The following ROBO2 variants were observed in gnomAD, a reference collection of about 807,000 sequenced individuals.
ROBO2 encodes roundabout homolog 2.
A neutral mutation model predicts 160.8 loss-of-function variants in ROBO2; 53 were observed. That is an observed-to-expected ratio of 0.33 (90% confidence interval 0.26 to 0.41). The LOEUF is 0.41. Ranked by LOEUF, ROBO2 falls within the 10% of genes least tolerant of loss-of-function variation. The pLI is 1.00. For synonymous variants in ROBO2, 664 were observed against 611.7 expected, an observed-to-expected ratio of 1.09 and a Z score of -1.26; for missense variants, 1,577 against 1,722.4, an observed-to-expected ratio of 0.92 and a Z score of 1.49.
At position 76,718,114 on chromosome 3, in the gene ROBO2, A is replaced by T. The variant is rs185626573; in HGVS notation, c.110-379900A>T. ...AAGTGAGTGGATAAACGATGTGTAT[A>T]AGTGTCTACCATAGACAGGATTATC... On this transcript the variant is annotated intron_variant, in intron 2 of 26. Transcript: ENST00000487694. Among the ~76,000 whole-genome samples, 1,425 of 152,302 alleles carry T rather than the reference A, an allele frequency of 9.4e-3. 27 individuals carry two copies. The highest frequency in any genetic ancestry group is 0.032 in the African/African-American group (1,349 of 41,560).
At chr3:75,941,538 A>G (rs1948054093) in intron 2 of ROBO2, among the ~76,000 whole-genome samples, 1 of 152,202 alleles carries the variant, frequency 6.6e-6, no homozygotes, top group African/African-American at 2.4e-5. Flanking sequence ...ACATGCTTAA[A>G]TTCCTAATTT....
chr3:76,847,548 A>G (rs1577018640), intron 2 of ROBO2, among the ~76,000 whole-genome samples: 1 of 152,292 alleles, frequency 6.6e-6, no homozygotes, highest in East Asian at 1.9e-4. Context: ...CTTGTAAGAA[A>G]CCTAGTAGTG....
At chr3:77,248,256 C>A (rs2089957168) in intron 2 of ROBO2, among the ~76,000 whole-genome samples, 1 of 152,190 alleles carries the variant, frequency 6.6e-6, no homozygotes, top group South Asian at 2.1e-4. Context: ...AAATCCCCTG[C>A]ATTTACCATC....
chr3:76,146,698 G>GTGTGTGCA, intron 2 of ROBO2, among the ~76,000 whole-genome samples: 1 of 43,598 alleles, frequency 2.3e-5, no homozygotes, highest in African/African-American at 8.7e-5. Context: ...ATTACATAGG[G>GTGTGTGCA]TGTGTGTGTG....
At chr3:76,888,213 TAA>T (rs2074059740) in intron 2 of ROBO2, among the ~76,000 whole-genome samples, 1 of 151,926 alleles carries the variant, frequency 6.6e-6, no homozygotes, top group Non-Finnish European at 1.5e-5. Flanking sequence ...ACTAAAAATA[TAA>T]AGATTAGCCA....
intron 2 of ROBO2, among the ~76,000 whole-genome samples, chr3:76,349,751 T>C (rs564215358): frequency 6.6e-6 from 1 of 152,172 alleles, no homozygotes; most frequent in East Asian, 1.9e-4. Context: ...ACAGCAATAG[T>C]AGTAGCAGGG....
chr3:77,400,580 T>C (rs1288492268), intron 2 of ROBO2, among the ~76,000 whole-genome samples: 1 of 152,218 alleles, frequency 6.6e-6, no homozygotes, highest in African/African-American at 2.4e-5. Flanking sequence ...ACATATTTAA[T>C]TTCCATATTT....
chr3:77,188,538 T>G (rs1579788371), intron 2 of ROBO2, among the ~76,000 whole-genome samples: 1 of 151,978 alleles, frequency 6.6e-6, no homozygotes, highest in African/African-American at 2.4e-5. Flanking sequence ...TTATGTGGCA[T>G]TTTCATACTT....
At chr3:76,898,025 G>A (rs1316044647) in intron 2 of ROBO2, among the ~76,000 whole-genome samples, 3 of 152,014 alleles carry the variant, frequency 2.0e-5, no homozygotes, top group Non-Finnish European at 4.4e-5. Context: ...TGGTAAGATT[G>A]CTGCTTGGTC....
chr3:77,265,962 T>C (rs2059094748), intron 2 of ROBO2, among the ~76,000 whole-genome samples: 2 of 152,194 alleles, frequency 1.3e-5, no homozygotes, highest in South Asian at 2.1e-4. Context: ...AATTCCTTCA[T>C]GGATGTGCAT....
At chr3:75,954,684 C>T (rs1241430786) in intron 2 of ROBO2, among the ~76,000 whole-genome samples, 1 of 151,950 alleles carries the variant, frequency 6.6e-6, no homozygotes, top group East Asian at 2.0e-4. Context: ...TGTACCTCTG[C>T]TTTGAATTTC....
chr3:76,796,738 A>T (rs1192021089), intron 2 of ROBO2, among the ~76,000 whole-genome samples: 1 of 152,128 alleles, frequency 6.6e-6, no homozygotes, highest in African/African-American at 2.4e-5. Flanking sequence ...TGTAGACTCT[A>T]AATAAAGAGA....
At chr3:77,227,632 A>G (rs895010362) in intron 2 of ROBO2, among the ~76,000 whole-genome samples, 1 of 152,248 alleles carries the variant, frequency 6.6e-6, no homozygotes, top group Non-Finnish European at 1.5e-5. Flanking sequence ...AACAGCACTC[A>G]ATGATTCTGC....
chr3:76,939,902 T>C (rs1034045139), intron 2 of ROBO2, among the ~76,000 whole-genome samples: 1 of 152,136 alleles, frequency 6.6e-6, no homozygotes, highest in Non-Finnish European at 1.5e-5. Context: ...TAACCTTGTG[T>C]AAATTTCTGG....
chr3:76,929,649 C>T (rs942033121), intron 2 of ROBO2, among the ~76,000 whole-genome samples: 1 of 152,174 alleles, frequency 6.6e-6, no homozygotes, highest in Non-Finnish European at 1.5e-5. Flanking sequence ...CAAAAGACTC[C>T]AATGTCTGTG....
intron 2 of ROBO2, among the ~76,000 whole-genome samples, chr3:77,014,727 A>G (rs907334869): frequency 6.6e-6 from 1 of 151,608 alleles, no homozygotes; most frequent in Non-Finnish European, 1.5e-5. Context: ...CCTAAATTTC[A>G]CTCTATTATC....
intron 1 of ROBO2, among the ~76,000 whole-genome samples, chr3:75,910,098 CA>C (rs1386736364): frequency 6.6e-6 from 1 of 152,158 alleles, no homozygotes; most frequent in Non-Finnish European, 1.5e-5. Context: ...CGTAAATTTG[CA>C]GTTAGTACAG....
At chr3:76,032,763 T>C (rs976880770) in intron 2 of ROBO2, among the ~76,000 whole-genome samples, 1 of 152,022 alleles carries the variant, frequency 6.6e-6, no homozygotes, top group African/African-American at 2.4e-5. Flanking sequence ...TGCTGAGGAG[T>C]AGTAGCACTT....
At chr3:77,084,302 A>G (rs1019629328) in intron 1 of ROBO2, among the ~76,000 whole-genome samples, 1 of 152,060 alleles carries the variant, frequency 6.6e-6, no homozygotes, top group African/African-American at 2.4e-5. Flanking sequence ...TTAAACTCTT[A>G]ACATTTGTAT....
Sources: gnomAD v4.1 joint callset for allele counts (sites outside exome capture counted in the v4.1 genomes callset) on GRCh38, gnomAD v4.1.1 for gene constraint, MANE v1.5 for transcripts, NCBI Gene and HGNC (gene_info 2026-07-23, HGNC 2026-07-21) for gene names.